The following TAOK1 variants were observed in gnomAD, a reference collection of about 807,000 sequenced individuals.
The protein encoded by TAOK1 is TAO kinase 1.
Under a neutral mutation model 138.3 loss-of-function variants are expected in TAOK1, and 21 were observed. That is an observed-to-expected ratio of 0.15 (90% CI 0.11 to 0.22). TAOK1 has a LOEUF of 0.22. Among genes scored for constraint, TAOK1 ranks in the 10% least tolerant of loss-of-function variants. The pLI is 1.00. For synonymous variants in TAOK1, 361 were observed against 398.4 expected, an observed-to-expected ratio of 0.91 and a Z score of 1.12; for missense variants, 651 against 1,227.7, an observed-to-expected ratio of 0.53 and a Z score of 7.02.
At chr17:29,482,357 C>A in intron 8 of TAOK1, 69 bp downstream of exon 8, 1 of 1,214,388 alleles carries the variant, frequency 8.2e-7, no homozygotes, top group Non-Finnish European at 1.2e-6. Flanking sequence ...CTGTACCAAT[C>A]TATAAAAATT....
intron 19 of TAOK1, among the ~76,000 whole-genome samples, chr17:29,534,698 A>G (rs1189179444): frequency 6.6e-6 from 1 of 152,204 alleles, no homozygotes; most frequent in African/African-American, 2.4e-5. Context: ...AGAGCCAGGG[A>G]CAAAGGATCA....
chr17:29,531,053 C>A (rs2032095413), intron 18 of TAOK1, among the ~76,000 whole-genome samples: 1 of 143,064 alleles, frequency 7.0e-6, no homozygotes, highest in Admixed American at 7.5e-5. Context: ...GCTCCGCCTC[C>A]CGGGTTCACG....
intron 2 of TAOK1, among the ~76,000 whole-genome samples, chr17:29,460,532 C>G (rs577690459): frequency 1.3e-5 from 2 of 152,002 alleles, no homozygotes; most frequent in Admixed American, 6.6e-5. Context: ...AGTTGGTATG[C>G]CTAGGATCAA....
intron 8 of TAOK1, among the ~76,000 whole-genome samples, chr17:29,487,860 G>A (rs1042199030): frequency 6.6e-6 from 1 of 152,156 alleles, no homozygotes; most frequent in Non-Finnish European, 1.5e-5. Context: ...TTACAAAGGA[G>A]AAAAGAGAAA....
intron 1 of TAOK1, among the ~76,000 whole-genome samples, chr17:29,402,603 T>A (rs983109212): frequency 5.3e-5 from 8 of 152,094 alleles, no homozygotes; most frequent in African/African-American, 1.7e-4. Flanking sequence ...CCATGCCTGG[T>A]TGAAAACTTT....
intron 1 of TAOK1, among the ~76,000 whole-genome samples, chr17:29,410,570 G>A (rs1210168370): frequency 6.7e-6 from 1 of 149,162 alleles, no homozygotes; most frequent in Admixed American, 6.7e-5. Context: ...ATAGATCTTA[G>A]AATAGTACCT....
In TAOK1 at chr17:29,534,109, CTG is replaced by C; in HGVS notation, c.2362-7_2362-6del. On this transcript the variant is annotated splice_region_variant and splice_polypyrimidine_tract_variant and intron_variant, in intron 18 of 19. Coordinates refer to ENST00000261716, the MANE Select transcript of TAOK1 (RefSeq NM_020791.4). ...ATCTTTTTTTTTTCTCTCTCTCTCT[CTG>C]TCTCAGCTGCGTTTGGATGAAGCAC... The C allele has an allele frequency of 6.3e-7, 1 of 1,580,046 alleles. No homozygotes were observed. Among genetic ancestry groups the C allele is most frequent in the African/African-American group, 1.4e-5 (1 of 73,024 alleles).
At chr17:29,476,725 A>AT in intron 4 of TAOK1, among the ~76,000 whole-genome samples, 1 of 152,078 alleles carries the variant, frequency 6.6e-6, no homozygotes, top group East Asian at 1.9e-4. Context: ...TCCACCTATT[A>AT]TTTTTTCAAT....
intron 14 of TAOK1, 93 bp downstream of exon 14, chr17:29,508,225 C>A: frequency 9.2e-7 from 1 of 1,090,328 alleles, no homozygotes; most frequent in Non-Finnish European, 1.4e-6. Context: ...GTATCTGTTC[C>A]CGTGAACCAA....
intron 1 of TAOK1, among the ~76,000 whole-genome samples, chr17:29,426,295 G>C (rs1358211794): frequency 6.6e-6 from 1 of 152,160 alleles, no homozygotes; most frequent in African/African-American, 2.4e-5. Flanking sequence ...TGCAGAGAGC[G>C]TATTGTTCCA....
chr17:29,517,094 C>G (rs929117334), intron 15 of TAOK1, among the ~76,000 whole-genome samples: 4 of 151,744 alleles, frequency 2.6e-5, no homozygotes, highest in Non-Finnish European at 5.9e-5. Flanking sequence ...TCACACCATT[C>G]TCCTGCCTCA....
chr17:29,437,858 G>A (rs1039083357), intron 1 of TAOK1, among the ~76,000 whole-genome samples: 6 of 147,480 alleles, frequency 4.1e-5, no homozygotes, highest in South Asian at 2.1e-4. Flanking sequence ...TCAGCCTCCC[G>A]AGTAGCTGGG....
At chr17:29,417,102 CT>C (rs1473104365) in intron 1 of TAOK1, among the ~76,000 whole-genome samples, 1 of 152,114 alleles carries the variant, frequency 6.6e-6, no homozygotes, top group Non-Finnish European at 1.5e-5. Context: ...CAACCTCCAT[CT>C]CCTGGGTTCA....
chr17:29,437,751 T>C (rs564612109), intron 1 of TAOK1, among the ~76,000 whole-genome samples: 14 of 149,484 alleles, frequency 9.4e-5, no homozygotes, highest in African/African-American at 3.5e-4. Context: ...TTTTTTTTTT[T>C]GAGATGGAGT....
At chr17:29,464,822 CTTTTTTTTTTTT>C (rs547368498) in intron 2 of TAOK1, among the ~76,000 whole-genome samples, 1 of 132,092 alleles carries the variant, frequency 7.6e-6, no homozygotes, top group East Asian at 2.1e-4. Context: ...TAAGCTCTGT[CTTTTTTTTTTTT>C]TTTTTTTTGA....
chr17:29,464,429 G>A (rs1360077915), intron 2 of TAOK1, among the ~76,000 whole-genome samples: 1 of 147,186 alleles, frequency 6.8e-6, no homozygotes, highest in Admixed American at 6.8e-5. Flanking sequence ...GGACTACTAA[G>A]CGAGACTCCA....
rs2032371475 is a variant in TAOK1, at chr17:29,544,578, T to C, written c.*1556T>C. 6.6e-6 allele frequency: 1 copy of C among 152,210 alleles called. No homozygotes were observed. The allele number at this position is 152,210 out of a possible 1,614,324, so 9.4% of individuals were successfully genotyped here. A position where few individuals can be genotyped will look rare whatever the true frequency, so the allele number is the denominator to read the frequency against. On this transcript the variant is annotated 3_prime_UTR_variant, in exon 20 of 20. Coordinates refer to ENST00000261716, the MANE Select transcript of TAOK1 (RefSeq NM_020791.4). ...AGGGGGCACATGTTTTGTTTTGTTA[T>C]GTTTTGTTGTACAATGAAGGATGAA...
chr17:29,507,627 C>T (rs1361743440), intron 13 of TAOK1, among the ~76,000 whole-genome samples: 1 of 152,164 alleles, frequency 6.6e-6, no homozygotes. Flanking sequence ...GCCAGTATCA[C>T]ATTGTCTTGA....
At chr17:29,409,555 G>A (rs1444803254) in intron 1 of TAOK1, among the ~76,000 whole-genome samples, 1 of 151,284 alleles carries the variant, frequency 6.6e-6, no homozygotes, top group Non-Finnish European at 1.5e-5. Flanking sequence ...GGATGGTCTC[G>A]ATTTCCTGAC....
Sources: gnomAD v4.1 joint callset for allele counts (sites outside exome capture counted in the v4.1 genomes callset) on GRCh38, gnomAD v4.1.1 for gene constraint, MANE v1.5 for transcripts, NCBI Gene and HGNC (gene_info 2026-07-23, HGNC 2026-07-21) for gene names.